DDC: variants seen among roughly 807,000 people sequenced by gnomAD.
The protein encoded by DDC is dopa decarboxylase, also known as aromatic-L-amino-acid decarboxylase.
A neutral mutation model predicts 60.0 loss-of-function variants in DDC; 43 were observed. The ratio of observed to expected loss-of-function variants is 0.72; its 90% CI spans 0.56 to 0.92. The LOEUF (loss-of-function observed/expected upper bound fraction) is 0.92, where lower values mean the gene tolerates loss of function less well. Ranked by LOEUF, DDC falls within the 40% of genes least tolerant of loss-of-function variation. The probability of loss-of-function intolerance (pLI) is 0.00; values close to 1 mark genes in which losing one functional copy is unlikely to be tolerated. For synonymous variants in DDC, 232 were observed against 234.6 expected (o/e 0.99, Z 0.10); for missense variants, 573 against 620.2 (o/e 0.92, Z 0.81).
intron 6 of DDC, among the ~76,000 whole-genome samples, chr7:50,517,829 A>AT (rs1004936292): frequency 6.6e-6 from 1 of 150,840 alleles, no homozygotes; most frequent in Non-Finnish European, 1.5e-5. Flanking sequence ...AATAGCTAAA[A>AT]AAAAAAAAAA....
intron 1 of DDC, among the ~76,000 whole-genome samples, chr7:50,550,680 C>T (rs1184421726): frequency 6.6e-6 from 1 of 152,236 alleles, no homozygotes; most frequent in Non-Finnish European, 1.5e-5. Flanking sequence ...GGCCCTCCCG[C>T]TGTGGGCTCC....
intron 9 of DDC, among the ~76,000 whole-genome samples, chr7:50,481,278 T>C (rs2042761822): frequency 6.6e-6 from 1 of 152,208 alleles, no homozygotes; most frequent in Non-Finnish European, 1.5e-5. Context: ...TATTCTTTCT[T>C]TGACTTGTGG....
chr7:50,466,351 G>T (rs2042395166), intron 13 of DDC, among the ~76,000 whole-genome samples: 1 of 152,000 alleles, frequency 6.6e-6, no homozygotes, highest in Non-Finnish European at 1.5e-5. Flanking sequence ...TGGGCGTGGT[G>T]GCGCACACCT....
intron 1 of DDC, among the ~76,000 whole-genome samples, chr7:50,558,126 C>T (rs2045244019): frequency 6.6e-6 from 1 of 151,862 alleles, no homozygotes; most frequent in African/African-American, 2.4e-5. Flanking sequence ...ATTCTTTCCC[C>T]CTTTCTCTTG....
intron 6 of DDC, among the ~76,000 whole-genome samples, chr7:50,504,718 T>TGCACGTGTGTGTGTGC (rs2043345925): frequency 6.6e-6 from 1 of 152,116 alleles, no homozygotes; most frequent in Non-Finnish European, 1.5e-5. Context: ...TCTGTGTGTG[T>TGCACGTGTGTGTGTGC]GCACGTGTGT....
chr7:50,463,896 C>T (rs1002466301), intron 13 of DDC, among the ~76,000 whole-genome samples: 5 of 152,098 alleles, frequency 3.3e-5, no homozygotes, highest in Non-Finnish European at 5.9e-5. Flanking sequence ...ACCACAGGAC[C>T]GAGCAACCAC....
intron 14 of DDC, among the ~76,000 whole-genome samples, chr7:50,459,233 G>A (rs1478046126): frequency 1.3e-5 from 2 of 152,244 alleles, no homozygotes; most frequent in African/African-American, 4.8e-5. Flanking sequence ...TGCCGGGATT[G>A]CAGACGGAGT....
chr7:50,486,029 G>A (rs2042873318), intron 9 of DDC, among the ~76,000 whole-genome samples: 5 of 152,194 alleles, frequency 3.3e-5, no homozygotes, highest in Admixed American at 3.3e-4. Flanking sequence ...GGGATGCTGT[G>A]TTCCACCTAC....
chr7:50,494,246 G>A (rs943744691), intron 9 of DDC, among the ~76,000 whole-genome samples: 4 of 152,140 alleles, frequency 2.6e-5, no homozygotes, highest in Non-Finnish European at 5.9e-5. Context: ...CGTGGCTTAC[G>A]CCTGTAATCC....
intron 11 of DDC, 70 bp from the exon 12 acceptor site, chr7:50,470,241 G>T (rs918970806): frequency 6.9e-6 from 8 of 1,164,088 alleles, no homozygotes; most frequent in Non-Finnish European, 1.0e-5. Context: ...TCGGCTCACC[G>T]GCTCGCCTAT....
At chr7:50,472,284 ATTG>A (rs1353694961) in intron 11 of DDC, among the ~76,000 whole-genome samples, 1 of 152,164 alleles carries the variant, frequency 6.6e-6, no homozygotes, top group Non-Finnish European at 1.5e-5. Flanking sequence ...TTTGTGGAAG[ATTG>A]TTGATGGACG....
intron 1 of DDC, among the ~76,000 whole-genome samples, chr7:50,546,951 C>A (rs1002483150): frequency 6.6e-6 from 1 of 152,210 alleles, no homozygotes; most frequent in African/African-American, 2.4e-5. Flanking sequence ...AACATCAAGG[C>A]CATGTGCTAA....
chr7:50,498,186 G>A (rs958807147), intron 8 of DDC, among the ~76,000 whole-genome samples: 1 of 152,226 alleles, frequency 6.6e-6, no homozygotes, highest in African/African-American at 2.4e-5. Flanking sequence ...CTGGAGGATA[G>A]GGAGGATATC....
chr7:50,515,041 T>C (rs2043689061), intron 6 of DDC, among the ~76,000 whole-genome samples: 1 of 152,054 alleles, frequency 6.6e-6, no homozygotes, highest in South Asian at 2.1e-4. Context: ...GACCCAGCCA[T>C]CCAAATACAA....
At chr7:50,550,812 G>T (rs888069688) in intron 1 of DDC, among the ~76,000 whole-genome samples, 3 of 152,176 alleles carry the variant, frequency 2.0e-5, no homozygotes, top group Non-Finnish European at 4.4e-5. Context: ...TGAATAGAAT[G>T]GGAGACAGAT....
At chr7:50,532,928 T>C (rs1057095716) in intron 4 of DDC, among the ~76,000 whole-genome samples, 53 of 152,216 alleles carry the variant, frequency 3.5e-4, no homozygotes, top group African/African-American at 1.3e-3. Flanking sequence ...AGGAGGAAGG[T>C]GATCATCTTG....
chr7:50,536,601 G>A (rs890060949), intron 4 of DDC, among the ~76,000 whole-genome samples: 6 of 152,210 alleles, frequency 3.9e-5, no homozygotes, highest in African/African-American at 1.4e-4. Context: ...GAGCCTCCAA[G>A]GTGTCAACTT....
In DDC at chr7:50,537,964, A is replaced by C; in HGVS notation, c.331T>G (p.Cys111Gly). 6.2e-7 allele frequency: 1 copy of C among 1,614,152 alleles called. No individual in the cohort carries two copies. The highest frequency in any genetic ancestry group is 8.5e-7 in the Non-Finnish European group (1 of 1,180,016). Reference sequence around the variant, plus strand: ...ATCATCACAGTCTCCAGCTCTGTGCATGCTGGGCTTGCCGCCTGTCGTGGG... The same window carrying C: ...ATCATCACAGTCTCCAGCTCTGTGCCTGCTGGGCTTGCCGCCTGTCGTGGG... Reference protein sequence around the residue: ...IGFSWAASPACTELETVMMDW... With the variant: ...IGFSWAASPAGTELETVMMDW... The change falls in exon 4 of 15, where the codon TGC becomes GGC. Residue 111 changes from cysteine to glycine, a missense_variant. Cys to Gly is a radical substitution (Grantham distance 159). Coordinates refer to ENST00000444124, the MANE Select transcript of DDC (RefSeq NM_001082971.2).
At chr7:50,554,199 G>A (rs1205632997) in intron 1 of DDC, among the ~76,000 whole-genome samples, 2 of 152,108 alleles carry the variant, frequency 1.3e-5, no homozygotes, top group Non-Finnish European at 2.9e-5. Context: ...AAGAATGCAT[G>A]CAAATACCTC....
Sources: gnomAD v4.1 joint callset for allele counts (sites outside exome capture counted in the v4.1 genomes callset) on GRCh38, gnomAD v4.1.1 for gene constraint, MANE v1.5 for transcripts, NCBI Gene and HGNC (gene_info 2026-07-23, HGNC 2026-07-21) for gene names.